Variants in ELK1 observed in about 807,000 individuals in gnomAD.
ELK1 encodes the protein ETS domain-containing protein Elk-1.
For missense variants in ELK1, 254 were observed against 381.5 expected (o/e 0.67, Z 2.78); for synonymous variants, 163 against 176.3 (o/e 0.92, Z 0.60).
intron 2 of ELK1, among the ~76,000 whole-genome samples, chrX:47,643,348 A>G (rs1339955770): frequency 8.9e-6 from 1 of 112,367 alleles, no homozygotes; most frequent in Non-Finnish European, 1.9e-5. Context: ...TAAATATTAT[A>G]TGCCTGAGGT....
rs2058029168 is a variant in ELK1, at chrX:47,641,652, G to A, written c.-34-177C>T. Among the ~76,000 whole-genome samples, 4 of 112,338 alleles carry A rather than the reference G, an allele frequency of 3.6e-5. No homozygotes were observed. In the Admixed American group the frequency reaches 3.8e-4, roughly 11 times the overall value. On this transcript the variant is annotated intron_variant, in intron 2 of 6. Transcript: ENST00000376983. ...CCCAGTCTTGCTTGGGATGCTCCCT[G>A]TGATGGGATACAACTCATGGGTATC... is the stretch of plus-strand genomic sequence containing the variant.
At chrX:47,639,590 TTTCTCTC>T (rs1465451686) in intron 3 of ELK1, among the ~76,000 whole-genome samples, 5 of 111,490 alleles carry the variant, frequency 4.5e-5, no homozygotes, top group African/African-American at 1.6e-4. Flanking sequence ...GTTCCTCCCC[TTTCTCTC>T]TTCTCTCCAC....
Position 47,639,190 on chromosome X carries a change from T to C in ELK1, c.359A>G (p.His120Arg). The C allele has an allele frequency of 3.3e-6, 4 of 1,209,278 alleles. No homozygotes were observed. Among genetic ancestry groups the C allele is most frequent in the African/African-American group, 3.5e-5 (2 of 57,773 alleles). ...AGAGACAGTGTCCCCTGGGGCGGCA[T>C]GTATAGCAGCAGGGGCCACATTTGG... ...TMPNVAPAAI[H>R]AAPGDTVSGK... The change falls in exon 4 of 7, where the codon CAT becomes CGT. Residue 120 changes from histidine to arginine, a missense_variant. Transcript: ENST00000376983.
chrX:47,640,444 T>C (rs1314268260), intron 3 of ELK1, among the ~76,000 whole-genome samples: 1 of 110,952 alleles, frequency 9.0e-6, no homozygotes, highest in Non-Finnish European at 1.9e-5. Flanking sequence ...TTCATGAATA[T>C]TGTTTGGGAA....
At chrX:47,647,615 T>C (rs984323920) in intron 2 of ELK1, among the ~76,000 whole-genome samples, 2 of 112,516 alleles carry the variant, frequency 1.8e-5, no homozygotes, top group Non-Finnish European at 3.8e-5. Flanking sequence ...TTAGCTCTCA[T>C]ATCCCTTCTT....
At position 47,641,227 on chromosome X, in the gene ELK1, T is replaced by C. The variant is rs183253508; in HGVS notation, c.210+5A>G. On this transcript the variant is annotated splice_donor_5th_base_variant and intron_variant, in intron 3 of 6. Coordinates refer to ENST00000376983, the MANE Select transcript of ELK1 (RefSeq NM_001114123.3). ...GGGTTCCAGCCCTGGTCTGAGAGAC[T>C]GTACCTTGTCATAGTAGTACCGCAA... 1.7e-6 allele frequency: 2 copies of C among 1,209,813 alleles called. No homozygotes were observed. Among genetic ancestry groups the C allele is most frequent in the East Asian group, 3.0e-5 (1 of 33,796 alleles).
rs1224539216 is a variant in ELK1, at chrX:47,636,396, C to T, written c.*433G>A. 1 of 120,911 alleles carries T rather than the reference C, an allele frequency of 8.3e-6. No homozygotes were observed. The highest frequency in any genetic ancestry group is 1.7e-5 in the Non-Finnish European group (1 of 59,336). The allele number at this position is 120,911 out of a possible 1,213,427, so 10.0% of individuals were successfully genotyped here. ...CATCCAAAAACGCAGACAGGGCTCC[C>T]TCATCTCCCCAAGGGCAGGCTGAGA... On this transcript the variant is annotated 3_prime_UTR_variant, in exon 7 of 7. Coordinates refer to ENST00000376983, the MANE Select transcript of ELK1 (RefSeq NM_001114123.3).
At chrX:47,637,263 G>A (rs952855734) in intron 5 of ELK1, 149 bp from the exon 6 acceptor site, 15 of 568,985 alleles carry the variant, frequency 2.6e-5, no homozygotes, top group Non-Finnish European at 3.4e-5. Context: ...TAACCATGGA[G>A]GCCATGCCTA....
intron 2 of ELK1, among the ~76,000 whole-genome samples, chrX:47,644,766 G>A: frequency 9.0e-6 from 1 of 110,685 alleles, no homozygotes. Flanking sequence ...GGAGGCAGCG[G>A]GAGAGGAGAA....
chrX:47,641,564 C>T (rs764958640), intron 2 of ELK1, 89 bp from the exon 3 acceptor site: 1 of 679,498 alleles, frequency 1.5e-6, no homozygotes, highest in Admixed American at 2.9e-5. Flanking sequence ...GTCATCTTTT[C>T]TCCATCTCTG....
intron 2 of ELK1, among the ~76,000 whole-genome samples, chrX:47,645,482 C>T (rs1242008310): frequency 8.9e-6 from 1 of 111,890 alleles, no homozygotes; most frequent in South Asian, 3.7e-4. Context: ...CGCCTTACAC[C>T]ACCAGTTCTC....
At chrX:47,649,830 T>TG (rs2058054271) in intron 2 of ELK1, 91 bp downstream of exon 2, 1 of 1,770 alleles carries the variant, frequency 5.6e-4, no homozygotes, top group Non-Finnish European at 1.1e-3. Context: ...GTGGTGGTGG[T>TG]GGTGGGGGGG....
At position 47,638,099 on chromosome X, in the gene ELK1, T is replaced by C; in HGVS notation, c.738A>G (p.Pro246=). 1 of 1,210,989 alleles carries C rather than the reference T, an allele frequency of 8.3e-7. No homozygotes were observed. The highest frequency in any genetic ancestry group is 2.3e-4 in the Middle Eastern group (1 of 4,355). The stretch of plus-strand genomic sequence containing the variant: ...CCTTGGGCCCTTCTACTTTCACTTC[T>C]GGGGGCAAAGCCCGGCCCAAACCCG... ...VEPGLGRALP[P]EVKVEGPKEE... The change falls in exon 5 of 7, where the codon CCA becomes CCG. Residue 246 remains proline, a synonymous_variant. Transcript: ENST00000376983.
chrX:47,645,188 G>A (rs975547528), intron 2 of ELK1, among the ~76,000 whole-genome samples: 2 of 111,009 alleles, frequency 1.8e-5, no homozygotes, highest in African/African-American at 6.6e-5. Context: ...TTTGGAGATG[G>A]TCAGTTTCAG....
At chrX:47,646,330 T>A (rs775025832) in intron 2 of ELK1, among the ~76,000 whole-genome samples, 10 of 110,899 alleles carry the variant, frequency 9.0e-5, no homozygotes, top group Non-Finnish European at 1.5e-4. Context: ...ATTTTTTGGG[T>A]TTTTTTTCGG....
rs752423073 is a variant in ELK1 at position 47,638,027 on chromosome X, G to C, written c.810C>G (p.Thr270=). 9.1e-6 allele frequency: 11 copies of C among 1,211,359 alleles called. No homozygotes were observed. The highest frequency in any genetic ancestry group is 1.1e-5 in the Non-Finnish European group (10 of 895,404). Residue 270 remains threonine, a synonymous_variant, in exon 5 of 7, where the codon ACC becomes ACG. Transcript: ENST00000376983. ...GTGGAGGGACTTCTGGCTCGGCCTT[G>C]GTGGTTTCTGGCACAAACCCTCTCT... ...AGERGFVPET[T]KAEPEVPPQE...
rs754062947 is a variant in ELK1, at chrX:47,644,963, T to A, written c.-34-3488A>T. 2.7e-5 allele frequency among the ~76,000 whole-genome samples: 3 copies of A among 110,902 alleles called. No homozygotes were observed. The Admixed American group carries it at 2.9e-4, about 11-fold the overall frequency. The stretch of plus-strand genomic sequence containing the variant: ...CTGAAGAAGCCACTGCGGTAGATGA[T>A]GGTGGTAGCAGTGGGGCTGGCGAGA... On this transcript the variant is annotated intron_variant, in intron 2 of 6. Transcript: ENST00000376983.
At position 47,645,085 on chromosome X, in the gene ELK1, G is replaced by A. The variant is rs757058962; in HGVS notation, c.-34-3610C>T. On this transcript the variant is annotated intron_variant, in intron 2 of 6. Transcript: ENST00000376983. ...GAGAGAAGGGTCCAGGGTGAGTCTA[G>A]GTTTGTGGCCTAATCACCCACAAAG... is the stretch of plus-strand genomic sequence containing the variant. 1.8e-4 allele frequency among the ~76,000 whole-genome samples: 20 copies of A among 110,586 alleles called. 1 individual carries two copies. Among genetic ancestry groups the A allele is most frequent in the Non-Finnish European group, 3.6e-4 (19 of 52,821 alleles).
chrX:47,638,372 C>G (rs2058017042), intron 4 of ELK1, among the ~76,000 whole-genome samples, 190 bp from the exon 5 acceptor site: 1 of 112,607 alleles, frequency 8.9e-6, no homozygotes, highest in African/African-American at 3.2e-5. Flanking sequence ...GGGGCAGGTC[C>G]TCCTATGGGA....
Sources: gnomAD v4.1 joint callset for allele counts (sites outside exome capture counted in the v4.1 genomes callset) on GRCh38, gnomAD v4.1.1 for gene constraint, MANE v1.5 for transcripts, NCBI Gene and HGNC (gene_info 2026-07-23, HGNC 2026-07-21) for gene names.